The following CMKLR1 variants were observed in gnomAD, a reference collection of about 807,000 sequenced individuals.
CMKLR1 encodes the protein chemerin-like receptor 1.
A neutral mutation model predicts 8.2 loss-of-function variants in CMKLR1; 6 were observed. The observed-to-expected ratio is 0.73, with a 90% confidence interval of 0.40 to 1.44. The LOEUF (loss-of-function observed/expected upper bound fraction) is 1.44, where lower values mean the gene tolerates loss of function less well. Ranked by LOEUF, CMKLR1 falls within the 40% of genes most tolerant of loss-of-function variation. CMKLR1 has a pLI of 0.02. For synonymous variants in CMKLR1, 178 were observed against 181.2 expected, an observed-to-expected ratio of 0.98 and a Z score of 0.14; for missense variants, 429 against 478.0, an observed-to-expected ratio of 0.90 and a Z score of 0.96.
intron 2 of CMKLR1, among the ~76,000 whole-genome samples, chr12:108,326,582 G>A (rs1012335873): frequency 6.6e-6 from 1 of 152,202 alleles, no homozygotes; most frequent in African/African-American, 2.4e-5. Flanking sequence ...CACGTGAAAG[G>A]CAGAAAGGCC....
At chr12:108,320,283 A>G (rs1325908225) in intron 2 of CMKLR1, among the ~76,000 whole-genome samples, 1 of 152,118 alleles carries the variant, frequency 6.6e-6, no homozygotes, top group African/African-American at 2.4e-5. Flanking sequence ...CAGCCAGAAC[A>G]TATGGACCCC....
intron 2 of CMKLR1, among the ~76,000 whole-genome samples, chr12:108,304,389 C>G (rs1440852684): frequency 6.6e-6 from 1 of 152,194 alleles, no homozygotes; most frequent in Non-Finnish European, 1.5e-5. Context: ...GGGCCGGGGA[C>G]CATCTGGGCA....
chr12:108,307,524 G>A (rs1052592581), intron 2 of CMKLR1, among the ~76,000 whole-genome samples: 15 of 152,184 alleles, frequency 9.9e-5, no homozygotes, highest in Non-Finnish European at 1.8e-4. Context: ...TGGGGAGAAG[G>A]GCAAGGAGGT....
chr12:108,313,490 C>G (rs1170406795), intron 2 of CMKLR1, among the ~76,000 whole-genome samples: 15 of 152,182 alleles, frequency 9.9e-5, no homozygotes. Flanking sequence ...GCTATGTAAT[C>G]TTGGATTACT....
intron 2 of CMKLR1, among the ~76,000 whole-genome samples, chr12:108,305,876 G>T (rs1410657917): frequency 6.6e-6 from 1 of 152,148 alleles, no homozygotes; most frequent in East Asian, 1.9e-4. Flanking sequence ...ATAAGAATGG[G>T]CAAAAACAAG....
At chr12:108,297,307 T>G (rs1282499165) in intron 2 of CMKLR1, among the ~76,000 whole-genome samples, 6 of 152,246 alleles carry the variant, frequency 3.9e-5, no homozygotes, top group African/African-American at 1.4e-4. Context: ...GCTTACTTGA[T>G]TGTATGAGTA....
At chr12:108,317,192 C>T (rs896308352) in intron 2 of CMKLR1, among the ~76,000 whole-genome samples, 1 of 152,174 alleles carries the variant, frequency 6.6e-6, no homozygotes, top group Non-Finnish European at 1.5e-5. Flanking sequence ...TTGGGAAGGT[C>T]CTGGCAGACA....
intron 2 of CMKLR1, among the ~76,000 whole-genome samples, chr12:108,317,292 G>A (rs1218637802): frequency 6.6e-6 from 1 of 152,166 alleles, no homozygotes; most frequent in Non-Finnish European, 1.5e-5. Flanking sequence ...TTCATCCATG[G>A]TTATTAGTGT....
intron 2 of CMKLR1, among the ~76,000 whole-genome samples, chr12:108,305,831 G>C (rs189829759): frequency 6.6e-6 from 1 of 152,310 alleles, no homozygotes; most frequent in African/African-American, 2.4e-5. Context: ...TTTTCTTTCG[G>C]GTTTGGAAGG....
chr12:108,336,444 G>A (rs768704055), intron 1 of CMKLR1, among the ~76,000 whole-genome samples: 13 of 152,064 alleles, frequency 8.5e-5, no homozygotes, highest in Non-Finnish European at 1.6e-4. Flanking sequence ...TACTTGGGAG[G>A]CTGAGGCAGG....
intron 2 of CMKLR1, among the ~76,000 whole-genome samples, chr12:108,319,428 G>A (rs2137328943): frequency 6.6e-6 from 1 of 152,298 alleles, no homozygotes; most frequent in Non-Finnish European, 1.5e-5. Context: ...AATGTGTGAT[G>A]GTTAAGGGTA....
At position 108,292,308 on chromosome 12, in the gene CMKLR1, C is replaced by T. The variant is rs1297383468; in HGVS notation, c.655G>A (p.Val219Met). ...MDPVGYSRHM[V>M]VTVTRFLCGF... ...CAGAGGAAGCGGGTGACAGTCACCA[C>T]CATGTGCCGGCTATACCCCACAGGG... Residue 219 changes from valine (V) to methionine (M), a missense_variant, in exon 4 of 4, where the codon GTG (valine) becomes ATG (methionine). Physicochemically the swap from Val to Met is conservative, Grantham distance 21 (BLOSUM62 1). Coordinates refer to ENST00000550402, the MANE Select transcript of CMKLR1 (RefSeq NM_001142343.2). 1.2e-6 allele frequency: 2 copies of T among 1,614,012 alleles called. No homozygotes were observed. The highest frequency in any genetic ancestry group is 2.2e-5 in the East Asian group (1 of 44,900).
intron 2 of CMKLR1, among the ~76,000 whole-genome samples, chr12:108,311,106 C>T (rs1891553601): frequency 6.6e-6 from 1 of 152,186 alleles, no homozygotes; most frequent in South Asian, 2.1e-4. Context: ...CCATCAGGGT[C>T]CTGCTTTCAA....
chr12:108,309,906 C>T (rs1891505579), intron 2 of CMKLR1, among the ~76,000 whole-genome samples: 2 of 152,284 alleles, frequency 1.3e-5, no homozygotes, highest in Non-Finnish European at 2.9e-5. Context: ...TAGGAGAGCA[C>T]GTATGTCTTT....
chr12:108,306,975 C>T (rs1044391484), intron 2 of CMKLR1, among the ~76,000 whole-genome samples: 1 of 152,186 alleles, frequency 6.6e-6, no homozygotes, highest in African/African-American at 2.4e-5. Flanking sequence ...GTCCCGTACA[C>T]AAGCCCTAAG....
chr12:108,325,185 C>A (rs1053951780), intron 2 of CMKLR1, among the ~76,000 whole-genome samples: 1 of 152,168 alleles, frequency 6.6e-6, no homozygotes, highest in African/African-American at 2.4e-5. Flanking sequence ...CTTCCAGACA[C>A]CACACCCCTC....
chr12:108,310,726 G>A (rs1464735228), intron 2 of CMKLR1, among the ~76,000 whole-genome samples: 2 of 152,144 alleles, frequency 1.3e-5, no homozygotes, highest in Non-Finnish European at 2.9e-5. Flanking sequence ...AGTCCTGGGG[G>A]CTGGGAGCCA....
At chr12:108,302,844 T>A (rs1272110355) in intron 2 of CMKLR1, among the ~76,000 whole-genome samples, 2 of 152,028 alleles carry the variant, frequency 1.3e-5, no homozygotes, top group Non-Finnish European at 2.9e-5. Flanking sequence ...GTCACGGGAC[T>A]GGGAAATAGG....
At chr12:108,303,783 C>T (rs1593163347) in intron 2 of CMKLR1, among the ~76,000 whole-genome samples, 1 of 152,224 alleles carries the variant, frequency 6.6e-6, no homozygotes, top group Admixed American at 6.5e-5. Flanking sequence ...ATTTTCTCCC[C>T]CAGGTCCCTC....
Sources: gnomAD v4.1 joint callset for allele counts (sites outside exome capture counted in the v4.1 genomes callset) on GRCh38, gnomAD v4.1.1 for gene constraint, MANE v1.5 for transcripts, NCBI Gene and HGNC (gene_info 2026-07-23, HGNC 2026-07-21) for gene names.